The following IPO7 variants were observed in gnomAD, a reference collection of about 807,000 sequenced individuals.
IPO7 encodes importin-7.
In IPO7, 13 loss-of-function variants were observed where a neutral mutation model predicts 136.4. That is an observed-to-expected ratio of 0.10 (90% CI 0.06 to 0.15). The LOEUF is 0.15. Among genes scored for constraint, IPO7 ranks in the 10% least tolerant of loss-of-function variants. IPO7 has a pLI of 1.00. For missense variants in IPO7, 857 were observed against 1,240.6 expected (o/e 0.69, Z 4.65); for synonymous variants, 403 against 404.4 (o/e 1.00, Z 0.04).
chr11:9,423,502 T>G (rs976299633), intron 9 of IPO7, among the ~76,000 whole-genome samples: 5 of 152,320 alleles, frequency 3.3e-5, no homozygotes, highest in African/African-American at 1.2e-4. Flanking sequence ...ATAATTTATG[T>G]GCTTTATTTA....
At chr11:9,404,432 A>T (rs915919410) in intron 2 of IPO7, among the ~76,000 whole-genome samples, 3 of 151,880 alleles carry the variant, frequency 2.0e-5, no homozygotes, top group Non-Finnish European at 4.4e-5. Context: ...GTCACTGCAC[A>T]CCAGCCTGAG....
At position 9,399,775 on chromosome 11, in the gene IPO7, G is replaced by C. The variant is rs528019248; in HGVS notation, c.85-3515G>C. Among the ~76,000 whole-genome samples, 3 of 152,304 alleles carry C rather than the reference G, an allele frequency of 2.0e-5. No individual in the cohort carries two copies. In the South Asian group the frequency reaches 6.2e-4, roughly 32 times the overall value. On this transcript the variant is annotated intron_variant, in intron 1 of 24. Transcript: ENST00000379719. ...GAGAGACCAGAATAAATGGTATGCT[G>C]AGTGGCATAGGTGGAAGGGTGTTTA...
chr11:9,445,457 C>T lies in IPO7; in HGVS notation c.*263C>T, dbSNP rs754085078. On this transcript the variant is annotated 3_prime_UTR_variant, in exon 25 of 25. Coordinates refer to ENST00000379719, the MANE Select transcript of IPO7 (RefSeq NM_006391.3). ...TTTTGAAGAAAGTAAGATCCTGACT[C>T]TGAAGCTTCAAAGTGACACTGTGGA... 9.7e-6 allele frequency: 3 copies of T among 310,728 alleles called. No individual in the cohort carries two copies. The highest frequency in any genetic ancestry group is 6.3e-5 in the African/African-American group (3 of 47,378). The allele number at this position is 310,728 out of a possible 1,614,324, so 19.2% of individuals were successfully genotyped here.
At chr11:9,388,964 A>T (rs1401152980) in intron 1 of IPO7, among the ~76,000 whole-genome samples, 1 of 152,110 alleles carries the variant, frequency 6.6e-6, no homozygotes, top group East Asian at 1.9e-4. Flanking sequence ...ATTTCCCAGT[A>T]ATAGGCTTTA....
chr11:9,396,028 T>C (rs1433127200), intron 1 of IPO7, among the ~76,000 whole-genome samples: 1 of 151,906 alleles, frequency 6.6e-6, no homozygotes, highest in East Asian at 1.9e-4. Flanking sequence ...TTGCTGAAAG[T>C]TATGCTTTTT....
chr11:9,444,610 G>T (rs1481764897), intron 24 of IPO7, among the ~76,000 whole-genome samples: 3 of 151,684 alleles, frequency 2.0e-5, no homozygotes, highest in Non-Finnish European at 4.4e-5. Flanking sequence ...GAGGCGGATG[G>T]ATCACTTGAG....
chr11:9,424,509 C>T (rs978585878), intron 10 of IPO7, among the ~76,000 whole-genome samples: 2 of 152,130 alleles, frequency 1.3e-5, no homozygotes, highest in South Asian at 4.1e-4. Flanking sequence ...GTTGGGAGGC[C>T]GAGGCAGGCA....
chr11:9,440,444 T>C lies in IPO7; in HGVS notation c.2696-11T>C, dbSNP rs73406233. 6,811 of 1,604,478 alleles carry C rather than the reference T, an allele frequency of 4.2e-3. 212 individuals are homozygous for C. In the African/African-American group the frequency reaches 0.074, roughly 17 times the overall value. ...CATTGTTATAAAAGTACTTATATTA[T>C]GACTTGGCAGAGGAACTGGGGAGTG... On this transcript the variant is annotated splice_polypyrimidine_tract_variant and intron_variant, in intron 22 of 24. Coordinates refer to ENST00000379719, the MANE Select transcript of IPO7 (RefSeq NM_006391.3).
In IPO7 at chr11:9,428,644, T is replaced by C; in HGVS notation, c.1425+15T>C. 1 of 1,360,258 alleles carries C rather than the reference T, an allele frequency of 7.4e-7. No homozygotes were observed. The highest frequency in any genetic ancestry group is 1.2e-5 in the South Asian group (1 of 84,424). 84.3% of individuals were successfully genotyped at this position (1,360,258 alleles called of 1,614,324 possible). On this transcript the variant is annotated intron_variant, in intron 13 of 24. Coordinates refer to ENST00000379719, the MANE Select transcript of IPO7 (RefSeq NM_006391.3). ...TGAGAGCAAGGGTATGTTTTAAAGC[T>C]GCATTATTTATATACTTTTGTCTTG... is the stretch of plus-strand genomic sequence containing the variant.
chr11:9,410,093 G>A lies in IPO7; in HGVS notation c.479+7G>A. 2.6e-6 allele frequency: 4 copies of A among 1,566,708 alleles called. No homozygotes were observed. Among genetic ancestry groups the A allele is most frequent in the Non-Finnish European group, 3.5e-6 (4 of 1,159,166 alleles). On this transcript the variant is annotated splice_region_variant and intron_variant, in intron 4 of 24. Coordinates refer to ENST00000379719, the MANE Select transcript of IPO7 (RefSeq NM_006391.3). Reference sequence around the variant, plus strand: ...AGCTTGTGAAAAATTATGAGTAAGTGTTTCTTTCAACTCCTATAGAGCTTT... The same window carrying A: ...AGCTTGTGAAAAATTATGAGTAAGTATTTCTTTCAACTCCTATAGAGCTTT...
chr11:9,435,301 A>G (rs1453022812), intron 19 of IPO7, among the ~76,000 whole-genome samples: 1 of 152,238 alleles, frequency 6.6e-6, no homozygotes, highest in Non-Finnish European at 1.5e-5. Flanking sequence ...AATCAAAAGA[A>G]GGAAAGAGTC....
chr11:9,385,710 T>C (rs1037465309), intron 1 of IPO7, among the ~76,000 whole-genome samples: 1 of 152,180 alleles, frequency 6.6e-6, no homozygotes, highest in East Asian at 1.9e-4. Flanking sequence ...AGTTCAGATA[T>C]TGCATTCTCT....
At chr11:9,415,977 C>A (rs1379453391) in intron 5 of IPO7, among the ~76,000 whole-genome samples, 3 of 152,146 alleles carry the variant, frequency 2.0e-5, no homozygotes, top group Non-Finnish European at 4.4e-5. Flanking sequence ...AAGGATTTAT[C>A]TCATCTGCTA....
chr11:9,417,719 T>G (rs1003007711), intron 6 of IPO7, among the ~76,000 whole-genome samples: 5 of 151,374 alleles, frequency 3.3e-5, no homozygotes, highest in African/African-American at 4.8e-5. Flanking sequence ...TTTTTTCTTT[T>G]TTTTTTTTTT....
chr11:9,391,081 T>C (rs1798435804), intron 1 of IPO7, among the ~76,000 whole-genome samples: 1 of 152,102 alleles, frequency 6.6e-6, no homozygotes, highest in Non-Finnish European at 1.5e-5. Context: ...CTAAATGATT[T>C]CTAATAAAAA....
chr11:9,432,481 G>A (rs953243780), intron 16 of IPO7, among the ~76,000 whole-genome samples: 16 of 152,126 alleles, frequency 1.1e-4, no homozygotes, highest in Admixed American at 2.0e-4. Context: ...AATTACAGGC[G>A]TGAGCCACCA....
intron 4 of IPO7, among the ~76,000 whole-genome samples, chr11:9,411,488 G>C (rs112864855): frequency 6.2e-4 from 94 of 152,300 alleles, no homozygotes; most frequent in African/African-American, 2.1e-3. Context: ...GCTGTCTTTA[G>C]TGGGTAGTGA....
At chr11:9,391,959 G>A (rs1157848768) in intron 1 of IPO7, among the ~76,000 whole-genome samples, 2 of 151,816 alleles carry the variant, frequency 1.3e-5, no homozygotes, top group Non-Finnish European at 2.9e-5. Flanking sequence ...TAGAGACGAG[G>A]TCTGTCTTTG....
chr11:9,443,377 G>A (rs1391076361), intron 24 of IPO7, among the ~76,000 whole-genome samples: 1 of 151,912 alleles, frequency 6.6e-6, no homozygotes, highest in Non-Finnish European at 1.5e-5. Context: ...TGGATCACCT[G>A]AGGTTTAGAG....
Sources: gnomAD v4.1 joint callset for allele counts (sites outside exome capture counted in the v4.1 genomes callset) on GRCh38, gnomAD v4.1.1 for gene constraint, MANE v1.5 for transcripts, NCBI Gene and HGNC (gene_info 2026-07-23, HGNC 2026-07-21) for gene names.